Variants in MLIP observed in about 807,000 individuals in gnomAD.
MLIP encodes muscular LMNA interacting protein, also known as muscular LMNA-interacting protein.
MLIP carries 79 observed loss-of-function variants against 84.8 expected under a neutral mutation model. That is an observed-to-expected ratio of 0.93 (90% CI 0.78 to 1.12). The LOEUF is 1.12. Ranked by LOEUF, MLIP falls within the 50% of genes most tolerant of loss-of-function variation. The pLI, the probability that MLIP is intolerant of heterozygous loss-of-function variation, is 0.00. For synonymous variants in MLIP, 504 were observed against 463.0 expected, an observed-to-expected ratio of 1.09 and a Z score of -1.14; for missense variants, 1,257 against 1,160.6, an observed-to-expected ratio of 1.08 and a Z score of -1.21.
chr6:54,154,592 G>T (rs1016269413), intron 5 of MLIP, among the ~76,000 whole-genome samples: 4 of 152,140 alleles, frequency 2.6e-5, no homozygotes, highest in Admixed American at 2.0e-4. Flanking sequence ...GAGGAGCTCT[G>T]ATTGGCTCTC....
At chr6:54,032,818 A>C (rs537092209) in intron 1 of MLIP, among the ~76,000 whole-genome samples, 2 of 152,218 alleles carry the variant, frequency 1.3e-5, no homozygotes, top group East Asian at 3.9e-4. Flanking sequence ...CCTCCCAAAG[A>C]GGGATCATTT....
chr6:54,094,324 A>G (rs1380385777), intron 1 of MLIP, among the ~76,000 whole-genome samples: 1 of 151,708 alleles, frequency 6.6e-6, no homozygotes, highest in African/African-American at 2.4e-5. Flanking sequence ...CTTAATTGGC[A>G]GGTATGGAGA....
At chr6:54,214,305 AGCCACAGGGGAACTTGT>A (rs1346040842) in intron 11 of MLIP, among the ~76,000 whole-genome samples, 1 of 152,208 alleles carries the variant, frequency 6.6e-6, no homozygotes, top group Non-Finnish European at 1.5e-5. Flanking sequence ...ATACCAGACT[AGCCACAGGGGAACTTGT>A]GAATTGGTCC....
At chr6:54,091,330 C>T (rs1047484948) in intron 1 of MLIP, among the ~76,000 whole-genome samples, 3 of 152,166 alleles carry the variant, frequency 2.0e-5, no homozygotes, top group African/African-American at 4.8e-5. Flanking sequence ...AAAATTTCTA[C>T]AGCCACTTAA....
At chr6:54,030,400 G>T (rs184837524) in intron 1 of MLIP, among the ~76,000 whole-genome samples, 1 of 152,212 alleles carries the variant, frequency 6.6e-6, no homozygotes, top group East Asian at 1.9e-4. Flanking sequence ...AATCCCCAAA[G>T]CTGCTAGATT....
At chr6:54,102,237 A>G (rs1166416985) in intron 1 of MLIP, among the ~76,000 whole-genome samples, 1 of 152,146 alleles carries the variant, frequency 6.6e-6, no homozygotes. Context: ...GGACATCGTA[A>G]TTCTCTTGCT....
chr6:54,148,879 T>C (rs977028260), intron 4 of MLIP, among the ~76,000 whole-genome samples, 177 bp from the exon 5 acceptor site: 1 of 152,210 alleles, frequency 6.6e-6, no homozygotes, highest in Non-Finnish European at 1.5e-5. Context: ...CGCTTCTCAT[T>C]CTAATAAAAT....
At chr6:54,022,593 A>AT (rs1261418488) in intron 1 of MLIP, among the ~76,000 whole-genome samples, 1 of 152,116 alleles carries the variant, frequency 6.6e-6, no homozygotes, top group Non-Finnish European at 1.5e-5. Flanking sequence ...AATCTTGACT[A>AT]TTTTCCAAAT....
At position 54,137,757 on chromosome 6, in the gene MLIP, A is replaced by C; in HGVS notation, c.1688A>C (p.Lys563Thr). The C allele has an allele frequency of 6.5e-7, 1 of 1,536,098 alleles. No individual in the cohort carries two copies. The highest frequency in any genetic ancestry group is 8.7e-7 in the Non-Finnish European group (1 of 1,146,880). Reference protein sequence around the residue: ...VPPSSSLSSLKSKQDGDLRGP... With the variant: ...VPPSSSLSSLTSKQDGDLRGP... ...CCAAGCTCTTCTCTTTCCTCTTTGAAGAGTAAACAGGATGGTGACCTCAGG... is the reference window on the plus strand; with the variant it reads ...CCAAGCTCTTCTCTTTCCTCTTTGACGAGTAAACAGGATGGTGACCTCAGG... Residue 563 changes from lysine to threonine, a missense_variant, in exon 4 of 14, where the codon AAG (lysine) becomes ACG (threonine). By Grantham distance (78) the Lys-to-Thr change is moderately conservative. Transcript: ENST00000502396.
At chr6:54,153,574 G>A (rs559348277) in intron 5 of MLIP, among the ~76,000 whole-genome samples, 46 of 152,138 alleles carry the variant, frequency 3.0e-4, no homozygotes, top group South Asian at 6.2e-4. Flanking sequence ...TTGGCAGGGC[G>A]TGATGGCTCA....
At chr6:54,027,603 T>G (rs17555505) in intron 1 of MLIP, among the ~76,000 whole-genome samples, 14 of 152,030 alleles carry the variant, frequency 9.2e-5, no homozygotes, top group Non-Finnish European at 2.1e-4. Context: ...CGCACAAGTA[T>G]TGCCAAACTC....
Position 54,137,193 on chromosome 6 carries a change from C to T in MLIP, c.1124C>T (p.Pro375Leu), listed in dbSNP as rs1412613126. 2.0e-6 allele frequency: 3 copies of T among 1,536,102 alleles called. No individual in the cohort carries two copies. Among genetic ancestry groups the T allele is most frequent in the South Asian group, 1.2e-5 (1 of 84,058 alleles). Residue 375 changes from proline (P) to leucine (L), a missense_variant, in exon 4 of 14, where the codon CCG (proline) becomes CTG (leucine). Physicochemically the swap from Pro to Leu is moderately conservative, Grantham distance 98 (BLOSUM62 -3). Coordinates refer to ENST00000502396, the MANE Select transcript of MLIP (RefSeq NM_001281747.2). ...PVRIVTHSLSPSPKPFTSSFH... is the reference protein window; with the variant it reads ...PVRIVTHSLSLSPKPFTSSFH... ...CGCATTGTCACGCATTCACTCTCTC[C>T]GAGCCCCAAACCATTTACCTCCTCT...
chr6:54,160,675 G>GCCT (rs1433671421), intron 7 of MLIP, 65 bp from the exon 8 acceptor site: 1 of 1,488,496 alleles, frequency 6.7e-7, no homozygotes, highest in African/African-American at 1.4e-5. Context: ...TTAGTATGAT[G>GCCT]CCTCACAGGC....
At chr6:54,101,951 A>G (rs1001369574) in intron 1 of MLIP, among the ~76,000 whole-genome samples, 1 of 152,164 alleles carries the variant, frequency 6.6e-6, no homozygotes, top group Non-Finnish European at 1.5e-5. Flanking sequence ...TGAGAAAAGT[A>G]TTCCTCCGAG....
intron 10 of MLIP, among the ~76,000 whole-genome samples, chr6:54,200,576 G>A (rs10484647): frequency 0.062 from 9,351 of 150,380 alleles, 478 homozygotes; most frequent in East Asian, 0.21. Context: ...CATAATTACA[G>A]GTGGCTATAG....
At chr6:54,243,158 G>A (rs1018627966) in intron 12 of MLIP, among the ~76,000 whole-genome samples, 1 of 152,166 alleles carries the variant, frequency 6.6e-6, no homozygotes, top group African/African-American at 2.4e-5. Context: ...GGGCAGGTAT[G>A]AGTATATATA....
At chr6:54,223,991 G>A (rs1187478133) in intron 11 of MLIP, among the ~76,000 whole-genome samples, 1 of 151,848 alleles carries the variant, frequency 6.6e-6, no homozygotes, top group Non-Finnish European at 1.5e-5. Context: ...GGTCAACCAA[G>A]TAAGCATTCA....
At chr6:54,036,915 T>G (rs576218310) in intron 1 of MLIP, among the ~76,000 whole-genome samples, 1 of 152,178 alleles carries the variant, frequency 6.6e-6, no homozygotes, top group Admixed American at 6.5e-5. Context: ...AAGTTAATAC[T>G]TCATAACTGG....
intron 1 of MLIP, among the ~76,000 whole-genome samples, chr6:54,084,169 C>A (rs1274302196): frequency 6.6e-6 from 1 of 151,964 alleles, no homozygotes; most frequent in South Asian, 2.1e-4. Context: ...TTTTTGCTCC[C>A]CCTATCACCC....
Sources: gnomAD v4.1 joint callset for allele counts (sites outside exome capture counted in the v4.1 genomes callset) on GRCh38, gnomAD v4.1.1 for gene constraint, MANE v1.5 for transcripts, NCBI Gene and HGNC (gene_info 2026-07-23, HGNC 2026-07-21) for gene names.